Variants in TNIK observed in about 807,000 individuals in gnomAD.
The protein encoded by TNIK is TRAF2 and NCK interacting kinase.
TNIK carries 49 observed loss-of-function variants against 191.3 expected under a neutral mutation model. That is an observed-to-expected ratio of 0.26 (90% CI 0.20 to 0.32). The LOEUF (loss-of-function observed/expected upper bound fraction) is 0.32. Ranked by LOEUF, TNIK falls within the 10% of genes least tolerant of loss-of-function variation. TNIK has a pLI of 1.00. For missense variants in TNIK, 1,155 were observed against 1,702.3 expected, an observed-to-expected ratio of 0.68 and a Z score of 5.66; for synonymous variants, 594 against 600.9, an observed-to-expected ratio of 0.99 and a Z score of 0.17.
intron 2 of TNIK, among the ~76,000 whole-genome samples, chr3:171,235,095 AC>A (rs1744101296): frequency 6.6e-6 from 1 of 152,092 alleles, no homozygotes; most frequent in Admixed American, 6.5e-5. Context: ...AGGCTGGAGT[AC>A]AGTGGCGCTG....
intron 21 of TNIK, 136 bp from the exon 22 acceptor site, chr3:171,101,769 C>T (rs773904622): frequency 7.6e-5 from 58 of 759,546 alleles, no homozygotes; most frequent in Non-Finnish European, 1.1e-4. Context: ...ATAGTTACTG[C>T]ATGGAACTAA....
In TNIK at chr3:171,068,942, CCTT is replaced by C. The variant is rs1429342313; in HGVS notation, c.3602_3604del (p.Glu1201del). 6.2e-7 allele frequency: 1 copy of C among 1,613,778 alleles called. No homozygotes were observed. Reference sequence around the variant, plus strand: ...ACCAAAAATAACCTTTAATCTTTGACCTTCTTCTACCGTGAGATCAACTAGCAG... The same window carrying C: ...ACCAAAAATAACCTTTAATCTTTGACCTTCTACCGTGAGATCAACTAGCAG... On this transcript the variant is annotated inframe_deletion, in exon 30 of 33. Transcript: ENST00000436636.
intron 21 of TNIK, among the ~76,000 whole-genome samples, chr3:171,104,442 T>TTAGCATGAAAATATTTGAGAATATA (rs1328287367): frequency 6.8e-6 from 1 of 147,348 alleles, no homozygotes; most frequent in East Asian, 1.9e-4. Flanking sequence ...TAAGTGCTAT[T>TTAGCATGAAAATATTTGAGAATATA]TAGCATGAAA....
At chr3:171,209,787 C>A (rs1740566534) in intron 4 of TNIK, among the ~76,000 whole-genome samples, 1 of 151,794 alleles carries the variant, frequency 6.6e-6, no homozygotes, top group African/African-American at 2.4e-5. Flanking sequence ...AGATTGAGTA[C>A]TCATATTAAA....
At chr3:171,453,365 C>T (rs1036356693) in intron 1 of TNIK, among the ~76,000 whole-genome samples, 1 of 152,032 alleles carries the variant, frequency 6.6e-6, no homozygotes, top group Non-Finnish European at 1.5e-5. Flanking sequence ...AGGTGGTCTG[C>T]GAATGTTCAG....
intron 2 of TNIK, among the ~76,000 whole-genome samples, chr3:171,238,723 A>G (rs1304006079): frequency 6.6e-6 from 1 of 152,242 alleles, no homozygotes; most frequent in East Asian, 1.9e-4. Context: ...GGAGTCTATG[A>G]AATGTCAGAT....
At chr3:171,164,905 T>C (rs1734423935) in intron 10 of TNIK, among the ~76,000 whole-genome samples, 1 of 152,226 alleles carries the variant, frequency 6.6e-6, no homozygotes, top group African/African-American at 2.4e-5. Context: ...TAACTGCAGA[T>C]GAGCCACCGT....
chr3:171,219,325 TATA>T (rs761645564), intron 3 of TNIK, among the ~76,000 whole-genome samples: 34 of 145,586 alleles, frequency 2.3e-4, no homozygotes, highest in Middle Eastern at 3.6e-3. Context: ...TGTGTATATA[TATA>T]ATGATATATA....
chr3:171,346,043 A>G (rs1326993689), intron 2 of TNIK, among the ~76,000 whole-genome samples: 1 of 152,092 alleles, frequency 6.6e-6, no homozygotes, highest in Non-Finnish European at 1.5e-5. Context: ...GTTATTTTCT[A>G]TAAGGTGGTC....
intron 5 of TNIK, among the ~76,000 whole-genome samples, chr3:171,192,161 G>C (rs1199279318): frequency 1.3e-5 from 2 of 152,226 alleles, no homozygotes; most frequent in African/African-American, 4.8e-5. Context: ...AAGGGTTTGA[G>C]GCACTGGTTT....
At chr3:171,119,524 G>A (rs369691141) in intron 18 of TNIK, among the ~76,000 whole-genome samples, 6,660 of 152,248 alleles carry the variant, frequency 0.044, 456 homozygotes, top group African/African-American at 0.15. Flanking sequence ...TATTCACAAT[G>A]ACAAAGACTT....
intron 1 of TNIK, among the ~76,000 whole-genome samples, chr3:171,407,581 GACA>G (rs1420043980): frequency 2.6e-5 from 4 of 152,138 alleles, no homozygotes; most frequent in Non-Finnish European, 5.9e-5. Flanking sequence ...GGGCCACTAA[GACA>G]ACACCTACCC....
chr3:171,411,646 T>C (rs1722444181), intron 1 of TNIK, among the ~76,000 whole-genome samples: 1 of 152,194 alleles, frequency 6.6e-6, no homozygotes, highest in South Asian at 2.1e-4. Flanking sequence ...ACAGATTTAA[T>C]TCCTGTTGTG....
At chr3:171,396,343 C>T (rs1052483165) in intron 1 of TNIK, among the ~76,000 whole-genome samples, 1 of 152,192 alleles carries the variant, frequency 6.6e-6, no homozygotes, top group Non-Finnish European at 1.5e-5. Context: ...AAACTTTATT[C>T]CTCCATTCAT....
intron 2 of TNIK, among the ~76,000 whole-genome samples, chr3:171,360,303 T>C (rs568536050): frequency 6.6e-6 from 1 of 152,310 alleles, no homozygotes; most frequent in Non-Finnish European, 1.5e-5. Flanking sequence ...CCAGGCCACA[T>C]GGGTACCTTA....
At chr3:171,174,069 C>A (rs1453707620) in intron 9 of TNIK, among the ~76,000 whole-genome samples, 3 of 152,180 alleles carry the variant, frequency 2.0e-5, no homozygotes, top group Admixed American at 2.0e-4. Flanking sequence ...CTCCTTGTTA[C>A]CAATAGCAAC....
At chr3:171,188,963 G>T in intron 6 of TNIK, 131 bp from the exon 7 acceptor site, 1 of 1,155,062 alleles carries the variant, frequency 8.7e-7, no homozygotes, top group Non-Finnish European at 1.2e-6. Context: ...ATTTTCAAAT[G>T]TACATTTCTG....
chr3:171,399,880 T>G (rs777546244), intron 1 of TNIK, among the ~76,000 whole-genome samples: 1 of 152,188 alleles, frequency 6.6e-6, no homozygotes, highest in African/African-American at 2.4e-5. Flanking sequence ...TTTACTTTTG[T>G]ATGGAAAAAT....
At chr3:171,125,867 A>G (rs1728395883) in intron 17 of TNIK, 45 bp downstream of exon 17, 1 of 1,602,064 alleles carries the variant, frequency 6.2e-7, no homozygotes, top group Non-Finnish European at 8.5e-7. Flanking sequence ...AATAAAAATC[A>G]TCAGTGATGC....
Sources: gnomAD v4.1 joint callset for allele counts (sites outside exome capture counted in the v4.1 genomes callset) on GRCh38, gnomAD v4.1.1 for gene constraint, MANE v1.5 for transcripts, NCBI Gene and HGNC (gene_info 2026-07-23, HGNC 2026-07-21) for gene names.